NEDD4L: variants seen among roughly 807,000 people sequenced by gnomAD.
The protein encoded by NEDD4L is NEDD4 like E3 ubiquitin protein ligase.
In NEDD4L, 54 loss-of-function variants were observed where a neutral mutation model predicts 148.9. The ratio of observed to expected loss-of-function variants is 0.36; its 90% CI spans 0.29 to 0.45. The LOEUF is 0.45. Among genes scored for constraint, NEDD4L ranks in the 20% least tolerant of loss-of-function variants. The pLI is 1.00. For missense variants in NEDD4L, 856 were observed against 1,233.8 expected (o/e 0.69, Z 4.59); for synonymous variants, 433 against 440.7 (o/e 0.98, Z 0.22).
At chr18:58,240,482 A>G (rs2046499707) in intron 2 of NEDD4L, among the ~76,000 whole-genome samples, 1 of 152,174 alleles carries the variant, frequency 6.6e-6, no homozygotes, top group East Asian at 1.9e-4. Context: ...ATCATTATGA[A>G]CATGGAGCAG....
chr18:58,101,699 T>C (rs1376003896), intron 1 of NEDD4L, among the ~76,000 whole-genome samples: 1 of 152,248 alleles, frequency 6.6e-6, no homozygotes, highest in African/African-American at 2.4e-5. Flanking sequence ...ATGCTTTCCG[T>C]ATTCTATGCA....
Position 58,159,540 on chromosome 18 carries a change from A to G in NEDD4L, c.49-6248A>G, listed in dbSNP as rs185645088. Among the ~76,000 whole-genome samples, 10 of 152,198 alleles carry G rather than the reference A, an allele frequency of 6.6e-5. No individual in the cohort carries two copies. In the East Asian group the frequency reaches 1.9e-3, roughly 29 times the overall value. ...TGCTCAATTTTGCTGTGACCCTAAA[A>G]CTGCTCTAAAAAGAGTAGTCTTAAA... On this transcript the variant is annotated intron_variant, in intron 1 of 30. Coordinates refer to ENST00000400345, the MANE Select transcript of NEDD4L (RefSeq NM_001144967.3).
intron 2 of NEDD4L, among the ~76,000 whole-genome samples, chr18:58,214,117 G>A (rs1475586214): frequency 6.6e-6 from 1 of 152,196 alleles, no homozygotes; most frequent in African/African-American, 2.4e-5. Flanking sequence ...GTGCAAGGTA[G>A]CAGTGGGAAA....
At chr18:58,297,519 G>C (rs1026337772) in intron 5 of NEDD4L, among the ~76,000 whole-genome samples, 1 of 152,276 alleles carries the variant, frequency 6.6e-6, no homozygotes, top group East Asian at 1.9e-4. Flanking sequence ...GAAAAAGGTC[G>C]TGTTTGATCC....
intron 18 of NEDD4L, among the ~76,000 whole-genome samples, chr18:58,355,295 G>A (rs1049497600): frequency 1.3e-5 from 2 of 152,196 alleles, no homozygotes; most frequent in South Asian, 2.1e-4. Flanking sequence ...TGAGTGACAC[G>A]GCCAGGTTCC....
chr18:58,340,756 T>C (rs2042316486), intron 13 of NEDD4L, among the ~76,000 whole-genome samples: 1 of 152,196 alleles, frequency 6.6e-6, no homozygotes, highest in African/African-American at 2.4e-5. Flanking sequence ...CCTTTCCCTG[T>C]GATCACCTTG....
chr18:58,345,020 G>A (rs1007077579), intron 16 of NEDD4L, among the ~76,000 whole-genome samples: 3 of 152,224 alleles, frequency 2.0e-5, no homozygotes, highest in Non-Finnish European at 4.4e-5. Flanking sequence ...AAATTAAACA[G>A]CACTCGCTTT....
intron 5 of NEDD4L, among the ~76,000 whole-genome samples, chr18:58,268,361 C>G (rs73454665): frequency 0.037 from 5,596 of 152,042 alleles, 361 homozygotes; most frequent in African/African-American, 0.13. Context: ...GACTCTCAGT[C>G]AATCTTCCCT....
intron 5 of NEDD4L, among the ~76,000 whole-genome samples, chr18:58,315,368 G>A (rs371494589): frequency 6.6e-5 from 10 of 151,956 alleles, no homozygotes; most frequent in East Asian, 1.9e-4. Context: ...GGAGAGATAC[G>A]TGCAGTATGG....
chr18:58,300,530 G>A (rs191733953), intron 5 of NEDD4L, among the ~76,000 whole-genome samples: 63 of 152,322 alleles, frequency 4.1e-4, no homozygotes, highest in African/African-American at 1.4e-3. Context: ...ATCCAAAAAG[G>A]TTCAGGGCCA....
chr18:58,268,199 G>A (rs764624987), intron 5 of NEDD4L, among the ~76,000 whole-genome samples: 5 of 152,048 alleles, frequency 3.3e-5, no homozygotes, highest in Non-Finnish European at 5.9e-5. Context: ...AGGGTATGGT[G>A]GTCAATCAGG....
At chr18:58,212,713 T>C (rs2042722073) in intron 2 of NEDD4L, among the ~76,000 whole-genome samples, 1 of 151,850 alleles carries the variant, frequency 6.6e-6, no homozygotes, top group South Asian at 2.1e-4. Flanking sequence ...TCAAGTGATC[T>C]GCCCACCTCA....
rs138682461 is a variant in NEDD4L, at chr18:58,349,467, G to A, written c.1576-70G>A. 2.3e-4 allele frequency: 315 copies of A among 1,341,198 alleles called. 3 individuals are homozygous for A. The East Asian group carries it at 7.2e-3, about 31-fold the overall frequency. 83.1% of individuals were successfully genotyped at this position (1,341,198 alleles called of 1,614,324 possible). A position where few individuals can be genotyped will look rare whatever the true frequency, so the allele number is the denominator to read the frequency against. On this transcript the variant is annotated intron_variant, in intron 16 of 30. Transcript: ENST00000400345. The stretch of plus-strand genomic sequence containing the variant: ...TGCCTTGAAACAAACAGCTCAAGAA[G>A]AAAAGCACCCAGTAACTGCACACAG...
intron 5 of NEDD4L, among the ~76,000 whole-genome samples, chr18:58,260,262 ACTTT>A (rs2049184497): frequency 1.3e-5 from 2 of 152,252 alleles, no homozygotes; most frequent in African/African-American, 4.8e-5. Flanking sequence ...GATTCAATCA[ACTTT>A]CTTTCTTCTC....
At chr18:58,190,659 A>G (rs1341941927) in intron 2 of NEDD4L, among the ~76,000 whole-genome samples, 2 of 152,220 alleles carry the variant, frequency 1.3e-5, no homozygotes, top group Non-Finnish European at 2.9e-5. Context: ...GGAGATGTAC[A>G]TACACTTTTC....
chr18:58,163,866 C>T (rs1463506819), intron 1 of NEDD4L, among the ~76,000 whole-genome samples: 3 of 152,098 alleles, frequency 2.0e-5, no homozygotes, highest in Non-Finnish European at 4.4e-5. Flanking sequence ...CCATCCTGTA[C>T]CCTCCATGTT....
chr18:58,300,207 A>G (rs1270575537), intron 5 of NEDD4L, among the ~76,000 whole-genome samples: 1 of 152,236 alleles, frequency 6.6e-6, no homozygotes, highest in African/African-American at 2.4e-5. Flanking sequence ...GATTAAGTGA[A>G]CTAACTTGTG....
At chr18:58,198,955 C>T (rs928885139) in intron 2 of NEDD4L, among the ~76,000 whole-genome samples, 2 of 152,132 alleles carry the variant, frequency 1.3e-5, no homozygotes, top group Non-Finnish European at 2.9e-5. Context: ...CAGGTGCTAG[C>T]TAATGTTTGT....
intron 1 of NEDD4L, among the ~76,000 whole-genome samples, chr18:58,117,214 A>G (rs966929620): frequency 3.9e-5 from 6 of 152,258 alleles, no homozygotes; most frequent in Admixed American, 3.9e-4. Context: ...AAATCAGCAC[A>G]TATATTATTG....
Sources: allele counts gnomAD v4.1 joint callset (sites outside exome capture counted in the v4.1 genomes callset), GRCh38; gene constraint gnomAD v4.1.1; transcripts MANE v1.5; gene names NCBI Gene and HGNC (gene_info 2026-07-23, HGNC 2026-07-21).